The following DMD variants were observed in gnomAD, a reference collection of about 807,000 sequenced individuals.
DMD encodes the protein mutant dystrophin.
Under a neutral mutation model 330.1 loss-of-function variants are expected in DMD, and 63 were observed. That is an observed-to-expected ratio of 0.19 (90% CI 0.16 to 0.24). DMD has a LOEUF of 0.24. Ranked by LOEUF, DMD falls within the 10% of genes least tolerant of loss-of-function variation. The pLI, the probability that DMD is intolerant of heterozygous loss-of-function variation, is 1.00. For synonymous variants in DMD, 1,223 were observed against 959.8 expected (o/e 1.27, Z -5.07); for missense variants, 3,344 against 2,684.1 (o/e 1.25, Z -5.43).
rs1557261046 is a variant in DMD, at chrX:32,279,965, C to CCATATATATGTACCCCA, written c.6290+7563_6290+7564insTGGGGTACATATATATG. ...ATATATACACATATATATGTGTAAC[C>CCATATATATGTACCCCA]CATATATATATGTACCCCACATATA... On this transcript the variant is annotated intron_variant, in intron 43 of 78. Coordinates refer to ENST00000357033, the MANE Select transcript of DMD (RefSeq NM_004006.3). Among the ~76,000 whole-genome samples the CCATATATATGTACCCCA allele has an allele frequency of 2.7e-3, 176 of 64,523 alleles. 1 individual carries two copies. Among genetic ancestry groups the CCATATATATGTACCCCA allele is most frequent in the East Asian group, 5.5e-3 (9 of 1,640 alleles). 56.0% of individuals were successfully genotyped at this position (64,523 alleles called of 115,157 possible). A position where few individuals can be genotyped will look rare whatever the true frequency, so the allele number is the denominator to read the frequency against.
At chrX:31,530,273 G>A (rs928767662) in intron 55 of DMD, among the ~76,000 whole-genome samples, 1 of 111,998 alleles carries the variant, frequency 8.9e-6, no homozygotes, top group African/African-American at 3.2e-5. Flanking sequence ...CATGGATGAA[G>A]AACTGGTTTA....
At chrX:31,558,901 G>A (rs1050620638) in intron 55 of DMD, among the ~76,000 whole-genome samples, 1 of 111,465 alleles carries the variant, frequency 9.0e-6, no homozygotes, top group African/African-American at 3.3e-5. Flanking sequence ...GCATATCTAA[G>A]CCAAGCTGTC....
At chrX:32,293,276 G>T (rs902545571) in intron 42 of DMD, among the ~76,000 whole-genome samples, 1 of 112,228 alleles carries the variant, frequency 8.9e-6, no homozygotes, top group Non-Finnish European at 1.9e-5. Context: ...ATAAGACTAG[G>T]GATGGTCAGA....
At chrX:31,410,595 C>T (rs1030690774) in intron 60 of DMD, among the ~76,000 whole-genome samples, 2 of 110,507 alleles carry the variant, frequency 1.8e-5, no homozygotes, top group Admixed American at 9.8e-5. Context: ...TTTGTTTTGC[C>T]CTCTCCCTTT....
At chrX:32,742,631 A>G (rs2069440486) in intron 7 of DMD, among the ~76,000 whole-genome samples, 2 of 111,873 alleles carry the variant, frequency 1.8e-5, no homozygotes, top group Admixed American at 9.5e-5. Context: ...AAATGGGACA[A>G]AAGAATCAGG....
intron 44 of DMD, among the ~76,000 whole-genome samples, chrX:32,031,501 TCACA>T (rs1410561266): frequency 9.0e-6 from 1 of 111,549 alleles, no homozygotes; most frequent in Admixed American, 9.6e-5. Flanking sequence ...GGAATCTCTC[TCACA>T]CAGTCAATAT....
intron 2 of DMD, among the ~76,000 whole-genome samples, chrX:32,982,963 A>G (rs2092744827): frequency 8.9e-6 from 1 of 112,091 alleles, no homozygotes; most frequent in Non-Finnish European, 1.9e-5. Flanking sequence ...CCAGATTGGT[A>G]TGTTGGCTAT....
chrX:32,427,646 C>CTTA (rs2098218610), intron 29 of DMD, among the ~76,000 whole-genome samples: 1 of 109,069 alleles, frequency 9.2e-6, no homozygotes, highest in Admixed American at 9.8e-5. Flanking sequence ...ATTTTCTAAC[C>CTTA]TTATATTTTC....
intron 1 of DMD, among the ~76,000 whole-genome samples, chrX:33,327,575 C>T (rs1044339722): frequency 8.1e-5 from 9 of 110,488 alleles, no homozygotes; most frequent in African/African-American, 2.6e-4. Context: ...TCAAGGCCAA[C>T]GAAGTGACTT....
chrX:31,289,996 C>T (rs1024181108), intron 62 of DMD, among the ~76,000 whole-genome samples: 2 of 108,047 alleles, frequency 1.9e-5, no homozygotes, highest in East Asian at 2.9e-4. Flanking sequence ...TCTCTGCTCA[C>T]TGCAACCTCC....
Position 32,325,350 on chromosome X carries a change from G to C in DMD, c.5923-15074C>G, listed in dbSNP as rs767247904. On this transcript the variant is annotated intron_variant, in intron 41 of 78. Transcript: ENST00000357033. Reference sequence around the variant, plus strand: ...AATAATCGCACAGAGCTCTGAACTAGCACTAAAGAGTAGATGCAAATAGAT... The same window carrying C: ...AATAATCGCACAGAGCTCTGAACTACCACTAAAGAGTAGATGCAAATAGAT... Among the ~76,000 whole-genome samples, 37 of 111,392 alleles carry C rather than the reference G, an allele frequency of 3.3e-4. 1 individual carries two copies. In the South Asian group the frequency reaches 0.013, roughly 39 times the overall value.
At chrX:31,960,138 C>T (rs73467959) in intron 45 of DMD, among the ~76,000 whole-genome samples, 15,073 of 108,224 alleles carry the variant, frequency 0.14, 1,217 homozygotes, top group African/African-American at 0.3. Flanking sequence ...ATTCTCTTAT[C>T]TTTTCATTTC....
intron 43 of DMD, among the ~76,000 whole-genome samples, chrX:32,233,025 C>G (rs942465687): frequency 8.9e-6 from 1 of 112,553 alleles, no homozygotes; most frequent in African/African-American, 3.2e-5. Context: ...TATTTCACCA[C>G]TGATTCATTT....
At chrX:32,850,264 C>T (rs1226766011) in intron 2 of DMD, among the ~76,000 whole-genome samples, 1 of 111,746 alleles carries the variant, frequency 8.9e-6, no homozygotes, top group Non-Finnish European at 1.9e-5. Flanking sequence ...TCACTCAAAA[C>T]ATGCTTGCTG....
chrX:33,088,135 C>G (rs1020094711), intron 1 of DMD, among the ~76,000 whole-genome samples: 1 of 111,047 alleles, frequency 9.0e-6, no homozygotes, highest in Non-Finnish European at 1.9e-5. Context: ...TCACTGCAAC[C>G]TTTACCTCCC....
intron 59 of DMD, among the ~76,000 whole-genome samples, chrX:31,450,440 C>T (rs778993748): frequency 1.4e-4 from 16 of 111,887 alleles, no homozygotes; most frequent in Non-Finnish European, 2.1e-4. Flanking sequence ...AATACCTGGG[C>T]GGAATGAGCT....
intron 43 of DMD, among the ~76,000 whole-genome samples, chrX:32,280,018 T>TACCCCACATATATATATAC (rs1472055306): frequency 3.7e-5 from 3 of 81,363 alleles, no homozygotes; most frequent in African/African-American, 4.9e-5. Context: ...TATATATATG[T>TACCCCACATATATATATAC]ACCCCACATA....
At chrX:33,150,165 G>GT (rs1218305689) in intron 1 of DMD, among the ~76,000 whole-genome samples, 1 of 111,041 alleles carries the variant, frequency 9.0e-6, no homozygotes, top group South Asian at 3.8e-4. Flanking sequence ...CTCTTAAATT[G>GT]TTTTGCAAAT....
intron 67 of DMD, among the ~76,000 whole-genome samples, chrX:31,193,005 A>G (rs1487736392): frequency 1.8e-5 from 2 of 111,871 alleles, no homozygotes; most frequent in Non-Finnish European, 3.8e-5. Flanking sequence ...TGATAAATGC[A>G]TACTTATATC....
Sources: gnomAD v4.1 joint callset for allele counts (sites outside exome capture counted in the v4.1 genomes callset) on GRCh38, gnomAD v4.1.1 for gene constraint, MANE v1.5 for transcripts, NCBI Gene and HGNC (gene_info 2026-07-23, HGNC 2026-07-21) for gene names.